Variants in FBXL7 observed in about 807,000 individuals in gnomAD.
The protein encoded by FBXL7 is F-box and leucine rich repeat protein 7.
A neutral mutation model predicts 38.3 loss-of-function variants in FBXL7; 12 were observed. The observed-to-expected ratio is 0.31, with a 90% CI of 0.20 to 0.51. The LOEUF (loss-of-function observed/expected upper bound fraction) is 0.51. Among genes scored for constraint, FBXL7 ranks in the 20% least tolerant of loss-of-function variants. The pLI, the probability that FBXL7 is intolerant of heterozygous loss-of-function variation, is 0.98. For synonymous variants in FBXL7, 297 were observed against 300.9 expected (o/e 0.99, Z 0.13); for missense variants, 567 against 676.4 (o/e 0.84, Z 1.79).
intron 2 of FBXL7, among the ~76,000 whole-genome samples, chr5:15,742,925 G>GA (rs35104460): frequency 6.6e-6 from 1 of 152,074 alleles, no homozygotes; most frequent in Non-Finnish European, 1.5e-5. Flanking sequence ...TGAAGCGAGG[G>GA]AAAAACCCCT....
intron 2 of FBXL7, among the ~76,000 whole-genome samples, chr5:15,656,295 T>G (rs1327991445): frequency 6.6e-6 from 1 of 152,212 alleles, no homozygotes; most frequent in Non-Finnish European, 1.5e-5. Context: ...AGTTGCAAGA[T>G]GTATTAGTTC....
chr5:15,582,104 AT>A (rs1739163701), intron 1 of FBXL7, among the ~76,000 whole-genome samples: 1 of 151,886 alleles, frequency 6.6e-6, no homozygotes. Flanking sequence ...TGCCTGGCTA[AT>A]TTTTTGTGTT....
At chr5:15,546,717 C>T (rs975660346) in intron 1 of FBXL7, among the ~76,000 whole-genome samples, 2 of 152,116 alleles carry the variant, frequency 1.3e-5, no homozygotes, top group Non-Finnish European at 2.9e-5. Flanking sequence ...GGCTACAGAG[C>T]GAGACCCTGT....
intron 2 of FBXL7, among the ~76,000 whole-genome samples, chr5:15,805,654 C>A (rs906985456): frequency 6.6e-6 from 1 of 152,172 alleles, no homozygotes; most frequent in South Asian, 2.1e-4. Context: ...CTTATTCAAC[C>A]CCTAAGGTCA....
chr5:15,609,785 A>G (rs1191944338), intron 1 of FBXL7, among the ~76,000 whole-genome samples: 1 of 152,202 alleles, frequency 6.6e-6, no homozygotes, highest in Non-Finnish European at 1.5e-5. Flanking sequence ...CTGCTGGCTG[A>G]GCAGTCTTGA....
intron 2 of FBXL7, among the ~76,000 whole-genome samples, chr5:15,634,319 T>C (rs868689406): frequency 0.1 from 14,539 of 139,664 alleles, 792 homozygotes; most frequent in African/African-American, 0.17. Flanking sequence ...GTTTCTTTTT[T>C]TTTTTTTTTT....
At chr5:15,914,522 G>A (rs985236203) in intron 2 of FBXL7, among the ~76,000 whole-genome samples, 5 of 152,080 alleles carry the variant, frequency 3.3e-5, no homozygotes, top group Non-Finnish European at 7.4e-5. Flanking sequence ...GTTTTTGGGT[G>A]TACATGTGTC....
At chr5:15,717,744 C>G (rs1391692075) in intron 2 of FBXL7, among the ~76,000 whole-genome samples, 1 of 152,124 alleles carries the variant, frequency 6.6e-6, no homozygotes, top group Non-Finnish European at 1.5e-5. Context: ...AAACACACAA[C>G]TTCAGATGGG....
At chr5:15,861,567 G>A (rs745815173) in intron 2 of FBXL7, among the ~76,000 whole-genome samples, 17 of 152,172 alleles carry the variant, frequency 1.1e-4, no homozygotes, top group Non-Finnish European at 2.9e-5. Context: ...GGACTGCATG[G>A]AGCAGACCTT....
At chr5:15,892,344 CTG>C (rs752483557) in intron 2 of FBXL7, among the ~76,000 whole-genome samples, 17 of 152,182 alleles carry the variant, frequency 1.1e-4, no homozygotes, top group Admixed American at 1.3e-4. Context: ...TCTACAAAGA[CTG>C]TGGCTCTTAT....
intron 2 of FBXL7, among the ~76,000 whole-genome samples, chr5:15,702,251 A>C (rs986941661): frequency 2.0e-5 from 3 of 152,024 alleles, no homozygotes; most frequent in African/African-American, 7.2e-5. Context: ...AAAAAAAAAA[A>C]AATTCACAGC....
At chr5:15,782,348 T>G (rs912623742) in intron 2 of FBXL7, among the ~76,000 whole-genome samples, 2 of 152,212 alleles carry the variant, frequency 1.3e-5, no homozygotes, top group African/African-American at 4.8e-5. Context: ...TACCCAGTAA[T>G]GAGATTGCTG....
chr5:15,930,994 C>T (rs1742024321), intron 3 of FBXL7, among the ~76,000 whole-genome samples: 1 of 152,190 alleles, frequency 6.6e-6, no homozygotes, highest in Non-Finnish European at 1.5e-5. Context: ...TGGCAGTAGA[C>T]TTGACTTTGG....
At chr5:15,681,194 C>T (rs1017672692) in intron 2 of FBXL7, among the ~76,000 whole-genome samples, 1 of 152,106 alleles carries the variant, frequency 6.6e-6, no homozygotes, top group Non-Finnish European at 1.5e-5. Flanking sequence ...GGCATACCTT[C>T]TAATTTTCAA....
intron 2 of FBXL7, among the ~76,000 whole-genome samples, chr5:15,858,932 T>C (rs1739355500): frequency 6.6e-6 from 1 of 152,200 alleles, no homozygotes; most frequent in African/African-American, 2.4e-5. Flanking sequence ...TGGAAACAAT[T>C]CTACTTATAT....
intron 1 of FBXL7, among the ~76,000 whole-genome samples, chr5:15,599,976 G>A (rs80182116): frequency 5.0e-4 from 76 of 152,328 alleles, no homozygotes; most frequent in African/African-American, 1.7e-3. Context: ...TATACTGAAT[G>A]AGATGGCCAA....
chr5:15,535,244 A>C (rs79356413), intron 1 of FBXL7, among the ~76,000 whole-genome samples: 1 of 152,180 alleles, frequency 6.6e-6, no homozygotes, highest in African/African-American at 2.4e-5. Flanking sequence ...TAATACAGAA[A>C]ATTGTTACAA....
At chr5:15,914,031 A>G (rs1340951496) in intron 2 of FBXL7, among the ~76,000 whole-genome samples, 3 of 152,218 alleles carry the variant, frequency 2.0e-5, no homozygotes. Flanking sequence ...TTCTGGGCCA[A>G]TGTAAAAGTG....
intron 2 of FBXL7, among the ~76,000 whole-genome samples, chr5:15,644,063 C>A (rs768154823): frequency 4.1e-4 from 62 of 152,232 alleles, no homozygotes; most frequent in Non-Finnish European, 6.8e-4. Context: ...CCAAGTCTGT[C>A]CTCCTTGAAT....
Sources: gnomAD v4.1 joint callset for allele counts (sites outside exome capture counted in the v4.1 genomes callset) on GRCh38, gnomAD v4.1.1 for gene constraint, MANE v1.5 for transcripts, NCBI Gene and HGNC (gene_info 2026-07-23, HGNC 2026-07-21) for gene names.